The following NEO1 variants were observed in gnomAD, a reference collection of about 807,000 sequenced individuals.
NEO1 encodes the protein neogenin 1, also known as neogenin.
A neutral mutation model predicts 159.7 loss-of-function variants in NEO1; 63 were observed. The observed-to-expected ratio is 0.39, with a 90% CI of 0.32 to 0.49. NEO1 has a LOEUF of 0.49. Among genes scored for constraint, NEO1 ranks in the 20% least tolerant of loss-of-function variants. The probability of loss-of-function intolerance (pLI) is 0.85; values close to 1 mark genes in which losing one functional copy is unlikely to be tolerated. For missense variants in NEO1, 1,615 were observed against 1,831.0 expected (o/e 0.88, Z 2.15); for synonymous variants, 633 against 662.0 (o/e 0.96, Z 0.67).
intron 1 of NEO1, among the ~76,000 whole-genome samples, chr15:73,096,672 A>G (rs2070055252): frequency 6.6e-6 from 1 of 152,198 alleles, no homozygotes. Context: ...CCCCCAGGGC[A>G]ATACTCCTGG....
intron 22 of NEO1, among the ~76,000 whole-genome samples, chr15:73,281,175 TC>T (rs2041681220): frequency 7.1e-6 from 1 of 140,372 alleles, no homozygotes; most frequent in African/African-American, 2.6e-5. Context: ...GCCACTGTAC[TC>T]CAGCCTGGAC....
rs1245176243 is a variant in NEO1, at chr15:73,216,094, C to T, written c.1292-20253C>T. On this transcript the variant is annotated intron_variant, in intron 7 of 28. Coordinates refer to ENST00000261908, the MANE Select transcript of NEO1 (RefSeq NM_002499.4). Reference sequence around the variant, plus strand: ...CTATCCCTCCCCCCTCCCCACACCCCACAACAGTCCCCAGAGTGTGATGTT... The same window carrying T: ...CTATCCCTCCCCCCTCCCCACACCCTACAACAGTCCCCAGAGTGTGATGTT... Among the ~76,000 whole-genome samples the T allele has an allele frequency of 3.3e-5, 5 of 150,534 alleles. No homozygotes were observed. In the East Asian group the frequency reaches 5.9e-4, roughly 18 times the overall value.
At chr15:73,237,036 G>A (rs1174210352) in intron 8 of NEO1, among the ~76,000 whole-genome samples, 3 of 152,176 alleles carry the variant, frequency 2.0e-5, no homozygotes, top group African/African-American at 7.2e-5. Flanking sequence ...GCCACAGGCT[G>A]GCTTCACTTT....
intron 8 of NEO1, among the ~76,000 whole-genome samples, chr15:73,239,464 C>T (rs1321292389): frequency 6.6e-6 from 1 of 152,132 alleles, no homozygotes; most frequent in Non-Finnish European, 1.5e-5. Context: ...GAAGAATGGG[C>T]ACCTAATATA....
At position 73,120,180 on chromosome 15, in the gene NEO1, A is replaced by T. The variant is rs74486483; in HGVS notation, c.449-2345A>T. 8.5e-3 allele frequency among the ~76,000 whole-genome samples: 1,295 copies of T among 151,486 alleles called. 10 individuals are homozygous for T. Among genetic ancestry groups the T allele is most frequent in the South Asian group, 0.027 (132 of 4,808 alleles). Reference sequence around the variant, plus strand: ...TAATTTAATTTAATTTAATTTAATTAAAATAGAACCATATTTTGGTTTTAT... The same window carrying T: ...TAATTTAATTTAATTTAATTTAATTTAAATAGAACCATATTTTGGTTTTAT... On this transcript the variant is annotated intron_variant, in intron 2 of 28. Transcript: ENST00000261908.
In NEO1 at chr15:73,248,492, G is replaced by A. The variant is rs2039912733; in HGVS notation, c.1607-568G>A. On this transcript the variant is annotated intron_variant, in intron 9 of 28. Coordinates refer to ENST00000261908, the MANE Select transcript of NEO1 (RefSeq NM_002499.4). ...ATTCTCCCTATTGACCCCATTGACTGGAATGATTTTCCCCTTGGTATCTGA... is the reference window on the plus strand; with the variant it reads ...ATTCTCCCTATTGACCCCATTGACTAGAATGATTTTCCCCTTGGTATCTGA... 3.9e-5 allele frequency among the ~76,000 whole-genome samples: 6 copies of A among 152,094 alleles called. No homozygotes were observed. The South Asian group carries it at 1.2e-3, about 32-fold the overall frequency.
At chr15:73,121,222 C>T (rs530769760) in intron 2 of NEO1, among the ~76,000 whole-genome samples, 4 of 152,306 alleles carry the variant, frequency 2.6e-5, no homozygotes, top group Admixed American at 2.6e-4. Flanking sequence ...CGCCTGTCCT[C>T]CTCCCACACA....
chr15:73,116,774 C>T lies in NEO1; in HGVS notation c.365C>T (p.Pro122Leu), dbSNP rs2071348023. The change falls in exon 2 of 29, where the codon CCT (proline) becomes CTT (leucine). Residue 122 changes from proline to leucine, a missense_variant. Pro to Leu is a moderately conservative substitution (Grantham distance 98, BLOSUM62 -3). Coordinates refer to ENST00000261908, the MANE Select transcript of NEO1 (RefSeq NM_002499.4). ...SNVVHSKHNKPDEGYYQCVAT... is the reference protein window; with the variant it reads ...SNVVHSKHNKLDEGYYQCVAT... ...GTGGTGCATTCCAAACACAATAAAC[C>T]TGATGAAGGTTATTATCAGTGTGTG... is the stretch of plus-strand genomic sequence containing the variant. 2 of 1,613,684 alleles carry T rather than the reference C, an allele frequency of 1.2e-6. No individual in the cohort carries two copies. Among genetic ancestry groups the T allele is most frequent in the Admixed American group, 3.3e-5 (2 of 59,966 alleles).
intron 7 of NEO1, among the ~76,000 whole-genome samples, chr15:73,201,077 G>A (rs2036854751): frequency 6.6e-6 from 1 of 151,286 alleles, no homozygotes; most frequent in South Asian, 2.1e-4. Flanking sequence ...TTTTTCCCTT[G>A]GTGCCTGGCT....
chr15:73,090,002 C>A (rs577771877), intron 1 of NEO1, among the ~76,000 whole-genome samples: 2 of 152,222 alleles, frequency 1.3e-5, no homozygotes, highest in Non-Finnish European at 2.9e-5. Flanking sequence ...TTTTATTTTA[C>A]TCTCAGATGT....
At chr15:73,261,069 G>T (rs2040598049) in intron 15 of NEO1, among the ~76,000 whole-genome samples, 1 of 151,934 alleles carries the variant, frequency 6.6e-6, no homozygotes, top group Admixed American at 6.6e-5. Flanking sequence ...GAAGAGAATG[G>T]CCAATGGGAA....
chr15:73,256,687 C>G (rs181448529), intron 13 of NEO1, among the ~76,000 whole-genome samples: 45 of 152,256 alleles, frequency 3.0e-4, no homozygotes, highest in African/African-American at 1.1e-3. Context: ...TTTCAGTCTT[C>G]CAGCTTCTTC....
chr15:73,089,839 C>T (rs2069581895), intron 1 of NEO1, among the ~76,000 whole-genome samples: 1 of 152,152 alleles, frequency 6.6e-6, no homozygotes, highest in Non-Finnish European at 1.5e-5. Flanking sequence ...GTTATGGGCA[C>T]AGAGATGTTC....
At chr15:73,222,542 A>G (rs1442537209) in intron 7 of NEO1, among the ~76,000 whole-genome samples, 1 of 152,090 alleles carries the variant, frequency 6.6e-6, no homozygotes, top group Non-Finnish European at 1.5e-5. Context: ...TTATGTGCAT[A>G]AAGGTGTTCA....
At chr15:73,295,898 C>T (rs1182113063) in intron 26 of NEO1, among the ~76,000 whole-genome samples, 1 of 152,200 alleles carries the variant, frequency 6.6e-6, no homozygotes. Flanking sequence ...TGTGTCTTAA[C>T]TCTTTAAGAG....
intron 5 of NEO1, among the ~76,000 whole-genome samples, chr15:73,145,435 T>C (rs1204166392): frequency 1.3e-5 from 2 of 152,166 alleles, no homozygotes; most frequent in Non-Finnish European, 2.9e-5. Context: ...ATCTGATAAT[T>C]TGTTTTGATG....
intron 2 of NEO1, 60 bp from the exon 3 acceptor site, chr15:73,122,465 G>A: frequency 6.6e-7 from 1 of 1,517,576 alleles, no homozygotes. Context: ...TGGCTCCCAA[G>A]ACAAAATTTT....
Position 73,302,729 on chromosome 15 carries a change from G to C in NEO1, c.*33G>C. On this transcript the variant is annotated 3_prime_UTR_variant, in exon 29 of 29. Transcript: ENST00000261908. ...CACCAGGACCTGACTTCAAACCTGAGTCTGGAAGTCTTGGAACTTACCCTT... is the reference window on the plus strand; with the variant it reads ...CACCAGGACCTGACTTCAAACCTGACTCTGGAAGTCTTGGAACTTACCCTT... The C allele has an allele frequency of 6.3e-7, 1 of 1,587,682 alleles. No homozygotes were observed. The highest frequency in any genetic ancestry group is 8.6e-7 in the Non-Finnish European group (1 of 1,160,148).
chr15:73,145,048 A>G (rs1567306324), intron 5 of NEO1, among the ~76,000 whole-genome samples: 1 of 152,190 alleles, frequency 6.6e-6, no homozygotes, highest in Non-Finnish European at 1.5e-5. Flanking sequence ...GGCAAAAGTG[A>G]TTAAAATTCT....
Sources: gnomAD v4.1 joint callset for allele counts (sites outside exome capture counted in the v4.1 genomes callset) on GRCh38, gnomAD v4.1.1 for gene constraint, MANE v1.5 for transcripts, NCBI Gene and HGNC (gene_info 2026-07-23, HGNC 2026-07-21) for gene names.